The following BCKDHB variants were observed in gnomAD, a reference collection of about 807,000 sequenced individuals.
BCKDHB encodes the protein 2-oxoisovalerate dehydrogenase subunit beta, mitochondrial.
In BCKDHB, 41 loss-of-function variants were observed where a neutral mutation model predicts 48.5. The observed-to-expected ratio is 0.85, with a 90% CI of 0.66 to 1.10. The LOEUF is 1.10. BCKDHB is among the 50% of genes least tolerant of loss of function. The pLI is 0.00. For synonymous variants in BCKDHB, 201 were observed against 174.8 expected, an observed-to-expected ratio of 1.15 and a Z score of -1.18; for missense variants, 496 against 494.2, an observed-to-expected ratio of 1.00 and a Z score of -0.03.
chr6:80,118,356 C>T (rs1051841124), intron 1 of BCKDHB, among the ~76,000 whole-genome samples: 1 of 152,064 alleles, frequency 6.6e-6, no homozygotes, highest in African/African-American at 2.4e-5. Context: ...GATCAATGTA[C>T]ATACTTTAAT....
chr6:80,422,785 C>A, the BCKDHB span, among the ~76,000 whole-genome samples: 1 of 152,132 alleles, frequency 6.6e-6, no homozygotes, highest in African/African-American at 2.4e-5. Context: ...GAACATTTAC[C>A]CAATGCCTCT....
At chr6:80,162,815 C>T (rs1258200171) in intron 3 of BCKDHB, among the ~76,000 whole-genome samples, 1 of 152,136 alleles carries the variant, frequency 6.6e-6, no homozygotes, top group Non-Finnish European at 1.5e-5. Flanking sequence ...TGTGCCACTG[C>T]ATTCCAGCCG....
chr6:80,347,739 CCCA>C (rs1562245108), downstream of BCKDHB, among the ~76,000 whole-genome samples: 1 of 152,124 alleles, frequency 6.6e-6, no homozygotes, highest in African/African-American at 2.4e-5. Context: ...CCCTGCAGTC[CCCA>C]CAAGTAAACA....
At chr6:80,446,043 A>G in the BCKDHB span, among the ~76,000 whole-genome samples, 1 of 152,202 alleles carries the variant, frequency 6.6e-6, no homozygotes, top group East Asian at 1.9e-4. Context: ...AGAGCCAAGG[A>G]ATGAGATTTG....
chr6:80,285,216 A>G (rs1233536798), intron 9 of BCKDHB, among the ~76,000 whole-genome samples: 1 of 152,146 alleles, frequency 6.6e-6, no homozygotes, highest in Non-Finnish European at 1.5e-5. Flanking sequence ...TGTGAGTAAT[A>G]TTCCAACATC....
the BCKDHB span, among the ~76,000 whole-genome samples, chr6:80,398,477 A>G: frequency 6.6e-6 from 1 of 151,954 alleles, no homozygotes; most frequent in East Asian, 1.9e-4. Context: ...GAAAACAAGA[A>G]GATATGGATA....
rs1770063837 is a variant in BCKDHB, at chr6:80,344,098, G to A, written c.*294G>A. 4 of 386,844 alleles carry A rather than the reference G, an allele frequency of 1.0e-5. No homozygotes were observed. Among genetic ancestry groups the A allele is most frequent in the South Asian group, 2.2e-5 (1 of 44,826 alleles). 24.0% of individuals were successfully genotyped at this position (386,844 alleles called of 1,614,324 possible). On this transcript the variant is annotated 3_prime_UTR_variant, in exon 10 of 10. Transcript: ENST00000320393. Reference sequence around the variant, plus strand: ...TCACTGCAACCTCCCCCCTACCCCTGAGTTCAAGCGATTCTCCTGCCTCAG... The same window carrying A: ...TCACTGCAACCTCCCCCCTACCCCTAAGTTCAAGCGATTCTCCTGCCTCAG...
chr6:80,113,688 A>T (rs932689911), intron 1 of BCKDHB, among the ~76,000 whole-genome samples: 2 of 152,240 alleles, frequency 1.3e-5, no homozygotes, highest in African/African-American at 4.8e-5. Flanking sequence ...TTTTGAACAA[A>T]GAATTGGACA....
chr6:80,400,806 A>T, the BCKDHB span, among the ~76,000 whole-genome samples: 1 of 152,070 alleles, frequency 6.6e-6, no homozygotes, highest in Non-Finnish European at 1.5e-5. Context: ...AAACATATGG[A>T]ATCAACCTAA....
intron 9 of BCKDHB, among the ~76,000 whole-genome samples, chr6:80,273,984 T>C (rs1351279896): frequency 6.6e-6 from 1 of 152,058 alleles, no homozygotes; most frequent in Non-Finnish European, 1.5e-5. Flanking sequence ...ATTCAGAATA[T>C]CTTCGCAGTT....
chr6:80,401,304 A>G, the BCKDHB span, among the ~76,000 whole-genome samples: 3 of 151,868 alleles, frequency 2.0e-5, no homozygotes, highest in African/African-American at 7.2e-5. Context: ...ATGCCTCTCA[A>G]TGAGTCCACA....
At chr6:80,317,235 A>G (rs186216586) in intron 9 of BCKDHB, among the ~76,000 whole-genome samples, 2 of 152,264 alleles carry the variant, frequency 1.3e-5, no homozygotes, top group East Asian at 1.9e-4. Context: ...GTTCCAAAAT[A>G]CCCAAAACTT....
chr6:80,436,490 G>A, the BCKDHB span, among the ~76,000 whole-genome samples: 2 of 151,998 alleles, frequency 1.3e-5, no homozygotes, highest in South Asian at 2.1e-4. Context: ...TTACCCTATG[G>A]CATTTACCCA....
chr6:80,130,284 C>T (rs1261735598), intron 3 of BCKDHB, among the ~76,000 whole-genome samples: 1 of 152,224 alleles, frequency 6.6e-6, no homozygotes, highest in Non-Finnish European at 1.5e-5. Context: ...ATCTCCCTCT[C>T]TTCTTTCCTT....
the BCKDHB span, among the ~76,000 whole-genome samples, chr6:80,373,613 C>T: frequency 1.3e-5 from 2 of 152,030 alleles, no homozygotes; most frequent in Non-Finnish European, 2.9e-5. Flanking sequence ...TAAAAGTCCC[C>T]CAATAGTATT....
intron 6 of BCKDHB, among the ~76,000 whole-genome samples, chr6:80,178,434 A>G (rs901149594): frequency 1.3e-5 from 2 of 152,228 alleles, no homozygotes; most frequent in Non-Finnish European, 2.9e-5. Flanking sequence ...TAATAGCACA[A>G]TAAACTGCAG....
the BCKDHB span, among the ~76,000 whole-genome samples, chr6:80,373,715 G>T: frequency 6.6e-6 from 1 of 152,102 alleles, no homozygotes; most frequent in African/African-American, 2.4e-5. Context: ...ATTTGGGATT[G>T]TGATACTTTC....
chr6:80,456,994 T>A, the BCKDHB span, among the ~76,000 whole-genome samples: 1 of 152,228 alleles, frequency 6.6e-6, no homozygotes, highest in Non-Finnish European at 1.5e-5. Flanking sequence ...AACTGTTTTT[T>A]TAAATAATAA....
rs1773047847 is a variant in BCKDHB, at chr6:80,174,239, A to G, written c.742+2849A>G. Among the ~76,000 whole-genome samples, 4 of 152,188 alleles carry G rather than the reference A, an allele frequency of 2.6e-5. No individual in the cohort carries two copies. The South Asian group carries it at 8.3e-4, about 32-fold the overall frequency. ...TTCATATTGGGACTCATAATGGTTC[A>G]TGGATGGACTAATAAATATGGATGT... On this transcript the variant is annotated intron_variant, in intron 6 of 9. Transcript: ENST00000320393.
Sources: allele counts gnomAD v4.1 joint callset (sites outside exome capture counted in the v4.1 genomes callset), GRCh38; gene constraint gnomAD v4.1.1; transcripts MANE v1.5; gene names NCBI Gene and HGNC (gene_info 2026-07-23, HGNC 2026-07-21).